WDR70: variants seen among roughly 807,000 people sequenced by gnomAD.
WDR70 encodes the protein WD repeat domain 70.
WDR70 carries 53 observed loss-of-function variants against 88.6 expected under a neutral mutation model. That is an observed-to-expected ratio of 0.60 (90% confidence interval 0.48 to 0.75). The LOEUF (loss-of-function observed/expected upper bound fraction) is 0.75, where lower values mean the gene tolerates loss of function less well. WDR70 is among the 30% of genes least tolerant of loss of function. The probability of loss-of-function intolerance (pLI) is 0.00; values close to 1 mark genes in which losing one functional copy is unlikely to be tolerated. For missense variants in WDR70, 610 were observed against 823.2 expected, an observed-to-expected ratio of 0.74 and a Z score of 3.17; for synonymous variants, 280 against 270.0, an observed-to-expected ratio of 1.04 and a Z score of -0.36.
At chr5:37,537,909 T>C (rs1184431431) in intron 9 of WDR70, among the ~76,000 whole-genome samples, 1 of 152,214 alleles carries the variant, frequency 6.6e-6, no homozygotes, top group Non-Finnish European at 1.5e-5. Context: ...GGTCTAATAC[T>C]GTAAAGTTTT....
chr5:37,553,959 A>G lies in WDR70; in HGVS notation c.917+37369A>G, dbSNP rs140531685. On this transcript the variant is annotated intron_variant, in intron 9 of 17. Coordinates refer to ENST00000265107, the MANE Select transcript of WDR70 (RefSeq NM_018034.4). ...CACTCCATAAAAGTTAGTTGCTATTATTATTGTTAGTATTATTGAAAGGTT... is the reference window on the plus strand; with the variant it reads ...CACTCCATAAAAGTTAGTTGCTATTGTTATTGTTAGTATTATTGAAAGGTT... Among the ~76,000 whole-genome samples the G allele has an allele frequency of 5.8e-3, 889 of 152,274 alleles. 10 individuals carry two copies. Among genetic ancestry groups the G allele is most frequent in the Middle Eastern group, 0.024 (7 of 294 alleles).
chr5:37,598,276 T>G (rs1743759576), intron 9 of WDR70, among the ~76,000 whole-genome samples: 1 of 152,234 alleles, frequency 6.6e-6, no homozygotes, highest in African/African-American at 2.4e-5. Context: ...CAGATGATAC[T>G]TTAGAATTAT....
intron 8 of WDR70, chr5:37,505,583 T>C: frequency 1.5e-6 from 1 of 679,880 alleles, no homozygotes; most frequent in Non-Finnish European, 2.7e-6. Flanking sequence ...TTTTTAAAAA[T>C]TTCCTTACAG....
Position 37,693,727 on chromosome 5 carries a change from A to G in WDR70, c.1093-3928A>G, listed in dbSNP as rs555521697. Among the ~76,000 whole-genome samples, 1,229 of 152,316 alleles carry G rather than the reference A, an allele frequency of 8.1e-3. 11 individuals carry two copies. Among genetic ancestry groups the G allele is most frequent in the Middle Eastern group, 0.027 (8 of 294 alleles). On this transcript the variant is annotated intron_variant, in intron 10 of 17. Transcript: ENST00000265107. ...AATTCAAGATGGATTAAAGACTTAA[A>G]TGTTAGACCTAAAACCATAAAAACC... is the stretch of plus-strand genomic sequence containing the variant.
At chr5:37,486,754 G>A (rs540763366) in intron 8 of WDR70, among the ~76,000 whole-genome samples, 4 of 146,864 alleles carry the variant, frequency 2.7e-5, no homozygotes, top group African/African-American at 7.5e-5. Context: ...TCATATGCTT[G>A]TTGGCCGCAT....
rs759679535 is a variant in WDR70, at chr5:37,499,605, C to CTTTT, written c.841-16908_841-16907insTTTT. ...GGAAATATTCTCTCTCTCTCTCTCTCTCTCTCTCTCTCTCTCTCTCTCTCG... is the reference window on the plus strand; with the variant it reads ...GGAAATATTCTCTCTCTCTCTCTCTCTTTTTCTCTCTCTCTCTCTCTCTCTCTCG... On this transcript the variant is annotated intron_variant, in intron 8 of 17. Coordinates refer to ENST00000265107, the MANE Select transcript of WDR70 (RefSeq NM_018034.4). Among the ~76,000 whole-genome samples, 1,041 of 121,128 alleles carry CTTTT rather than the reference C, an allele frequency of 8.6e-3. 31 individuals carry two copies. The highest frequency in any genetic ancestry group is 0.035 in the Admixed American group (422 of 12,152). The allele number at this position is 121,128 out of a possible 152,430, so 79.5% of individuals were successfully genotyped here. A position where few individuals can be genotyped will look rare whatever the true frequency, so the allele number is the denominator to read the frequency against.
intron 7 of WDR70, among the ~76,000 whole-genome samples, chr5:37,472,421 T>G (rs1179640712): frequency 6.6e-6 from 1 of 152,098 alleles, no homozygotes; most frequent in Admixed American, 6.5e-5. Flanking sequence ...ATAAAATGTT[T>G]ATGACATTTA....
At chr5:37,693,835 CAG>C (rs1746892882) in intron 10 of WDR70, among the ~76,000 whole-genome samples, 1 of 152,160 alleles carries the variant, frequency 6.6e-6, no homozygotes, top group African/African-American at 2.4e-5. Context: ...GCAATGGCAA[CAG>C]AAGCCAAAAT....
At chr5:37,499,706 A>G (rs1296339068) in intron 8 of WDR70, among the ~76,000 whole-genome samples, 2 of 147,780 alleles carry the variant, frequency 1.4e-5, no homozygotes, top group African/African-American at 2.5e-5. Flanking sequence ...GGTGCACACC[A>G]CCGCTCCTGG....
chr5:37,644,693 T>A (rs1745188042), intron 10 of WDR70, among the ~76,000 whole-genome samples: 1 of 152,038 alleles, frequency 6.6e-6, no homozygotes, highest in African/African-American at 2.4e-5. Context: ...TTCTTCTTGG[T>A]ACAGTCTTGG....
chr5:37,536,349 G>A (rs1006340482), intron 9 of WDR70, among the ~76,000 whole-genome samples: 2 of 152,118 alleles, frequency 1.3e-5, no homozygotes, highest in East Asian at 1.9e-4. Context: ...TTTTCTTAAA[G>A]TATGTTGGAT....
At chr5:37,668,623 A>C (rs950103965) in intron 10 of WDR70, among the ~76,000 whole-genome samples, 6 of 152,238 alleles carry the variant, frequency 3.9e-5, no homozygotes, top group Non-Finnish European at 8.8e-5. Flanking sequence ...TTCAAGTTGC[A>C]AGCACACAGG....
intron 9 of WDR70, among the ~76,000 whole-genome samples, chr5:37,589,816 G>C (rs868477405): frequency 8.5e-5 from 13 of 152,066 alleles, no homozygotes; most frequent in African/African-American, 3.1e-4. Flanking sequence ...TGCCCAGGTT[G>C]GTCTTGAATA....
intron 17 of WDR70, among the ~76,000 whole-genome samples, chr5:37,736,645 G>A (rs1377973145): frequency 2.7e-5 from 4 of 150,674 alleles, no homozygotes; most frequent in Admixed American, 2.6e-4. Context: ...TTTTGCGGTG[G>A]GGGGGTTGTT....
chr5:37,742,745 T>A (rs1228663073), intron 17 of WDR70, among the ~76,000 whole-genome samples: 5 of 152,204 alleles, frequency 3.3e-5, no homozygotes, highest in Non-Finnish European at 7.4e-5. Context: ...TTTTTGTGTA[T>A]GGTATAAGTT....
At chr5:37,504,683 C>A (rs541611734) in intron 8 of WDR70, among the ~76,000 whole-genome samples, 3 of 152,290 alleles carry the variant, frequency 2.0e-5, no homozygotes, top group Admixed American at 6.5e-5. Flanking sequence ...GATCTCTTCC[C>A]ACTATGCATA....
At chr5:37,599,964 T>C (rs556192315) in intron 9 of WDR70, among the ~76,000 whole-genome samples, 1 of 151,358 alleles carries the variant, frequency 6.6e-6, no homozygotes, top group South Asian at 2.1e-4. Context: ...AAATAAGTCA[T>C]AGATTTAAGT....
intron 5 of WDR70, among the ~76,000 whole-genome samples, chr5:37,429,207 G>C (rs1391764483): frequency 6.6e-6 from 1 of 152,172 alleles, no homozygotes; most frequent in Non-Finnish European, 1.5e-5. Context: ...CCTTTTTATT[G>C]AGTTTTAGAG....
intron 8 of WDR70, among the ~76,000 whole-genome samples, chr5:37,497,203 G>T (rs1356106569): frequency 6.1e-5 from 6 of 98,404 alleles, no homozygotes; most frequent in Non-Finnish European, 9.6e-5. Flanking sequence ...CCCTGCCTCC[G>T]TCCTCCCTCC....
Sources: allele counts gnomAD v4.1 joint callset (sites outside exome capture counted in the v4.1 genomes callset), GRCh38; gene constraint gnomAD v4.1.1; transcripts MANE v1.5; gene names NCBI Gene and HGNC (gene_info 2026-07-23, HGNC 2026-07-21).